The following SNX29 variants were observed in gnomAD, a reference collection of about 807,000 sequenced individuals.
The protein encoded by SNX29 is sorting nexin 29, also known as sorting nexin-29.
In SNX29, 78 loss-of-function variants were observed where a neutral mutation model predicts 102.1. The observed-to-expected ratio is 0.76, with a 90% confidence interval of 0.64 to 0.92. The LOEUF (loss-of-function observed/expected upper bound fraction) is 0.92, where lower values mean the gene tolerates loss of function less well. Ranked by LOEUF, SNX29 falls within the 40% of genes least tolerant of loss-of-function variation. The probability of loss-of-function intolerance (pLI) is 0.00; values close to 1 mark genes in which losing one functional copy is unlikely to be tolerated. For synonymous variants in SNX29, 580 were observed against 414.5 expected, an observed-to-expected ratio of 1.40 and a Z score of -4.85; for missense variants, 1,280 against 1,061.7, an observed-to-expected ratio of 1.21 and a Z score of -2.86.
chr16:12,454,067 A>G (rs2086425788), intron 18 of SNX29, among the ~76,000 whole-genome samples: 1 of 152,152 alleles, frequency 6.6e-6, no homozygotes, highest in Admixed American at 6.5e-5. Context: ...CCATGTAACT[A>G]AGATCTGGCC....
rs186403295 is a variant in SNX29 at position 12,524,624 on chromosome 16, T to C, written c.2179-78T>C. ...TGGTTGCCTGGATGGCGCTGATGGG[T>C]GATCGCCTGTTCTATAGGGTCATTT... On this transcript the variant is annotated intron_variant, in intron 19 of 20. Coordinates refer to ENST00000566228, the MANE Select transcript of SNX29 (RefSeq NM_032167.5). The C allele has an allele frequency of 2.5e-4, 383 of 1,506,878 alleles. 2 individuals are homozygous for C. In the African/African-American group the frequency reaches 4.7e-3, roughly 19 times the overall value. The allele number at this position is 1,506,878 out of a possible 1,614,324, so 93.3% of individuals were successfully genotyped here. A position where few individuals can be genotyped will look rare whatever the true frequency, so the allele number is the denominator to read the frequency against.
At chr16:12,173,883 A>T (rs1444759172) in intron 13 of SNX29, among the ~76,000 whole-genome samples, 3 of 152,154 alleles carry the variant, frequency 2.0e-5, no homozygotes, top group Non-Finnish European at 4.4e-5. Context: ...GGCTTCAAGC[A>T]ATTTTCCTGC....
At chr16:12,389,965 T>G (rs1323040218) in intron 16 of SNX29, among the ~76,000 whole-genome samples, 2 of 152,232 alleles carry the variant, frequency 1.3e-5, no homozygotes, top group African/African-American at 4.8e-5. Flanking sequence ...GCAGTAGGTC[T>G]GAGTGTTTCA....
rs941682734 is a variant in SNX29, at chr16:12,226,859, T to C, written c.1678+27176T>C. Among the ~76,000 whole-genome samples the C allele has an allele frequency of 5.3e-5, 8 of 152,312 alleles. No homozygotes were observed. The East Asian group carries it at 1.5e-3, about 29-fold the overall frequency. ...TCCCAAAGTGCTGGGATTACAGGCA[T>C]GAGCCACCACGCCCCACTGAGCCTT... On this transcript the variant is annotated intron_variant, in intron 14 of 20. Transcript: ENST00000566228.
intron 15 of SNX29, among the ~76,000 whole-genome samples, chr16:12,285,326 A>T (rs1325062523): frequency 6.6e-6 from 1 of 152,130 alleles, no homozygotes; most frequent in Non-Finnish European, 1.5e-5. Flanking sequence ...TTGCCAGTCC[A>T]TCCTCTGCAA....
At position 12,282,953 on chromosome 16, in the gene SNX29, G is replaced by A. The variant is rs1384970933; in HGVS notation, c.1782+4917G>A. 6.6e-5 allele frequency among the ~76,000 whole-genome samples: 10 copies of A among 152,228 alleles called. No individual in the cohort carries two copies. The East Asian group carries it at 1.4e-3, about 21-fold the overall frequency. On this transcript the variant is annotated intron_variant, in intron 15 of 20. Transcript: ENST00000566228. ...ATTACAGGCGTGAGCCACTGCACTC[G>A]GCCCACAGTTAAGTCTTAACTAGAG...
intron 13 of SNX29, among the ~76,000 whole-genome samples, chr16:12,145,288 C>T (rs1392319959): frequency 2.6e-5 from 4 of 152,026 alleles, no homozygotes; most frequent in Admixed American, 6.6e-5. Flanking sequence ...ATGACTGTAG[C>T]GTGATAATTA....
intron 13 of SNX29, among the ~76,000 whole-genome samples, 152 bp from the exon 14 acceptor site, chr16:12,199,449 G>A (rs1285186071): frequency 6.6e-6 from 1 of 152,218 alleles, no homozygotes; most frequent in African/African-American, 2.4e-5. Context: ...CATCTCCCGT[G>A]ATGATATCTA....
intron 18 of SNX29, among the ~76,000 whole-genome samples, chr16:12,427,700 C>A (rs906026314): frequency 6.6e-6 from 1 of 152,224 alleles, no homozygotes; most frequent in African/African-American, 2.4e-5. Flanking sequence ...GAGGAAGTCA[C>A]AGTGGGAAGA....
chr16:12,130,304 G>A (rs1464817931), intron 13 of SNX29, among the ~76,000 whole-genome samples: 5 of 150,922 alleles, frequency 3.3e-5, no homozygotes, highest in South Asian at 2.1e-4. Context: ...GTGAAACCCC[G>A]TCTCTACTAA....
At chr16:12,341,611 G>C (rs2081612423) in intron 15 of SNX29, among the ~76,000 whole-genome samples, 1 of 152,254 alleles carries the variant, frequency 6.6e-6, no homozygotes, top group Non-Finnish European at 1.5e-5. Flanking sequence ...TAATGACTCA[G>C]AAATCTAGGT....
intron 11 of SNX29, among the ~76,000 whole-genome samples, chr16:12,102,167 T>C (rs1006609825): frequency 5.9e-5 from 9 of 152,342 alleles, no homozygotes; most frequent in Middle Eastern, 6.8e-3. Context: ...AGTCTATCAT[T>C]GATGGGCATT....
intron 18 of SNX29, among the ~76,000 whole-genome samples, chr16:12,465,347 T>C (rs570351155): frequency 1.3e-5 from 2 of 152,360 alleles, no homozygotes; most frequent in East Asian, 3.9e-4. Context: ...GTTTTACAGA[T>C]CTTACACTTA....
intron 15 of SNX29, among the ~76,000 whole-genome samples, chr16:12,308,305 T>C (rs527980256): frequency 2.5e-4 from 38 of 152,224 alleles, no homozygotes; most frequent in Non-Finnish European, 3.2e-4. Flanking sequence ...GCCTCTACTG[T>C]GTATCATTCT....
intron 14 of SNX29, among the ~76,000 whole-genome samples, chr16:12,250,300 T>C (rs2078383767): frequency 6.6e-6 from 1 of 152,152 alleles, no homozygotes. Context: ...AAATATATAG[T>C]GGTCCTTTTG....
intron 15 of SNX29, among the ~76,000 whole-genome samples, chr16:12,301,218 T>C (rs369821491): frequency 6.6e-6 from 1 of 152,238 alleles, no homozygotes; most frequent in East Asian, 1.9e-4. Flanking sequence ...ACCACAAATC[T>C]AACTTGCCAT....
chr16:12,497,184 A>G (rs2088871397), intron 19 of SNX29, among the ~76,000 whole-genome samples: 1 of 152,254 alleles, frequency 6.6e-6, no homozygotes, highest in South Asian at 2.1e-4. Context: ...CCAAGATCCT[A>G]AGGCATCTTA....
chr16:12,532,058 G>A (rs922328708), intron 20 of SNX29, among the ~76,000 whole-genome samples: 17 of 152,308 alleles, frequency 1.1e-4, no homozygotes, highest in African/African-American at 4.1e-4. Flanking sequence ...GGTCTGGGTC[G>A]CCGTTTACAG....
chr16:12,299,182 C>G (rs1408394360), intron 15 of SNX29, among the ~76,000 whole-genome samples: 1 of 152,058 alleles, frequency 6.6e-6, no homozygotes, highest in Non-Finnish European at 1.5e-5. Flanking sequence ...TGCTTGTAAT[C>G]TCAGCTACTG....
Sources: gnomAD v4.1 joint callset for allele counts (sites outside exome capture counted in the v4.1 genomes callset) on GRCh38, gnomAD v4.1.1 for gene constraint, MANE v1.5 for transcripts, NCBI Gene and HGNC (gene_info 2026-07-23, HGNC 2026-07-21) for gene names.